GRIA4: variants seen among roughly 807,000 people sequenced by gnomAD.
The protein encoded by GRIA4 is glutamate receptor 4.
A neutral mutation model predicts 104.0 loss-of-function variants in GRIA4; 34 were observed. The ratio of observed to expected loss-of-function variants is 0.33; its 90% CI spans 0.25 to 0.44. The LOEUF (loss-of-function observed/expected upper bound fraction) is 0.44. Among genes scored for constraint, GRIA4 ranks in the 20% least tolerant of loss-of-function variants. The pLI, the probability that GRIA4 is intolerant of heterozygous loss-of-function variation, is 1.00. For missense variants in GRIA4, 750 were observed against 1,096.5 expected, an observed-to-expected ratio of 0.68 and a Z score of 4.46; for synonymous variants, 386 against 381.9, an observed-to-expected ratio of 1.01 and a Z score of -0.13.
intron 3 of GRIA4, among the ~76,000 whole-genome samples, chr11:105,722,835 C>T (rs1485329843): frequency 1.3e-5 from 2 of 152,044 alleles, no homozygotes; most frequent in African/African-American, 4.8e-5. Context: ...AAGATTTAAT[C>T]TCTTCCACCA....
In GRIA4 at chr11:105,628,414, G is replaced by A. The variant is rs139132541; in HGVS notation, c.247+15980G>A. 4.1e-3 allele frequency among the ~76,000 whole-genome samples: 627 copies of A among 152,118 alleles called. 3 individuals are homozygous for A. The highest frequency in any genetic ancestry group is 6.8e-3 in the Middle Eastern group (2 of 294). On this transcript the variant is annotated intron_variant, in intron 3 of 16. Coordinates refer to ENST00000282499, the MANE Select transcript of GRIA4 (RefSeq NM_000829.4). ...CCCCACCCACATCTCATCTTGAATT[G>A]TATTTCCTATAATCCCCATGTGTCG...
intron 4 of GRIA4, among the ~76,000 whole-genome samples, chr11:105,758,825 A>C (rs1284347588): frequency 2.0e-5 from 3 of 152,150 alleles, no homozygotes; most frequent in Non-Finnish European, 4.4e-5. Context: ...ACAACGTATA[A>C]ATTCCTTAGA....
At chr11:105,810,009 A>G (rs959010880) in intron 4 of GRIA4, among the ~76,000 whole-genome samples, 8 of 152,100 alleles carry the variant, frequency 5.3e-5, no homozygotes, top group African/African-American at 1.9e-4. Flanking sequence ...CACAGATTTA[A>G]GGATAAGGTT....
intron 4 of GRIA4, among the ~76,000 whole-genome samples, chr11:105,824,127 T>A (rs1591309765): frequency 1.3e-5 from 2 of 152,110 alleles, no homozygotes; most frequent in African/African-American, 4.8e-5. Flanking sequence ...AAATCTCTGC[T>A]GTTTAAGTCA....
chr11:105,786,144 C>CAAAAAAAAAAAAAAAAAA (rs34888562), intron 4 of GRIA4, among the ~76,000 whole-genome samples: 1 of 89,300 alleles, frequency 1.1e-5, no homozygotes. Flanking sequence ...GACCCTTTCT[C>CAAAAAAAAAAAAAAAAAA]AAAAAAAAAA....
At chr11:105,662,795 T>C (rs1952052231) in intron 3 of GRIA4, among the ~76,000 whole-genome samples, 1 of 151,698 alleles carries the variant, frequency 6.6e-6, no homozygotes, top group Non-Finnish European at 1.5e-5. Context: ...AAGCCAGTGG[T>C]TAAAAAGCAG....
chr11:105,671,533 C>T (rs1338163849), intron 3 of GRIA4, among the ~76,000 whole-genome samples: 3 of 151,366 alleles, frequency 2.0e-5, no homozygotes, highest in Non-Finnish European at 2.9e-5. Context: ...AAAAAATTAG[C>T]TGGGTGTGGT....
intron 3 of GRIA4, among the ~76,000 whole-genome samples, chr11:105,679,774 T>G (rs1952652517): frequency 6.6e-6 from 1 of 152,146 alleles, no homozygotes; most frequent in Non-Finnish European, 1.5e-5. Flanking sequence ...GTAGTTCGTA[T>G]TTATAACAAC....
At chr11:105,874,511 T>A (rs536624324) in intron 5 of GRIA4, among the ~76,000 whole-genome samples, 116 of 152,272 alleles carry the variant, frequency 7.6e-4, no homozygotes, top group African/African-American at 2.7e-3. Flanking sequence ...CATTGGGCGG[T>A]ATGGCCATTT....
chr11:105,718,000 C>T (rs1020018584), intron 3 of GRIA4, among the ~76,000 whole-genome samples: 5 of 151,750 alleles, frequency 3.3e-5, no homozygotes, highest in Admixed American at 2.0e-4. Context: ...AACCAAACAC[C>T]GCATATTCTC....
intron 9 of GRIA4, among the ~76,000 whole-genome samples, chr11:105,906,932 G>C (rs925914412): frequency 1.3e-5 from 2 of 152,214 alleles, no homozygotes; most frequent in African/African-American, 4.8e-5. Flanking sequence ...AATGCTAACA[G>C]ATGGACAAAG....
At chr11:105,688,146 ATATCTATATCTCTATC>A (rs1162457671) in intron 3 of GRIA4, among the ~76,000 whole-genome samples, 728 of 32,572 alleles carry the variant, frequency 0.022, 11 homozygotes, top group Middle Eastern at 0.14. Context: ...ATCTATATCT[ATATCTATATCTCTATC>A]TATCTATCTA....
intron 5 of GRIA4, among the ~76,000 whole-genome samples, chr11:105,863,160 T>C (rs536637872): frequency 1.3e-5 from 2 of 152,306 alleles, no homozygotes; most frequent in East Asian, 3.9e-4. Context: ...AGTATTCAAT[T>C]GTAAGAATGA....
chr11:105,782,661 C>A (rs1357933038), intron 4 of GRIA4, among the ~76,000 whole-genome samples: 1 of 152,174 alleles, frequency 6.6e-6, no homozygotes, highest in Non-Finnish European at 1.5e-5. Flanking sequence ...CTGAAGACTG[C>A]ATTGAACAGA....
At chr11:105,712,596 C>T (rs527758651) in intron 3 of GRIA4, among the ~76,000 whole-genome samples, 4 of 152,136 alleles carry the variant, frequency 2.6e-5, no homozygotes, top group East Asian at 3.9e-4. Flanking sequence ...TCAGCCTATC[C>T]TATTTTTTGT....
Position 105,884,474 on chromosome 11 carries a change from G to T in GRIA4, c.673-3045G>T, listed in dbSNP as rs539217489. 1.2e-4 allele frequency among the ~76,000 whole-genome samples: 19 copies of T among 152,294 alleles called. 2 individuals carry two copies. The South Asian group carries it at 3.9e-3, about 32-fold the overall frequency. On this transcript the variant is annotated intron_variant, in intron 5 of 16. Transcript: ENST00000282499. ...CCTATTTACAGGACACCACTCAATG[G>T]ATTGTAAATCGAATTTTTTCACAAA...
intron 4 of GRIA4, among the ~76,000 whole-genome samples, chr11:105,835,837 T>C (rs941674245): frequency 1.3e-5 from 2 of 151,952 alleles, no homozygotes; most frequent in African/African-American, 4.8e-5. Context: ...CTAGCAGATA[T>C]ATACTAGTCA....
rs112795314 is a variant in GRIA4, at chr11:105,701,817, A to G, written c.248-51164A>G. ...TAGACCTAATACTATGAAATTTTAAACTGACTTCATTTAAAGTTAGGTGTG... is the reference window on the plus strand; with the variant it reads ...TAGACCTAATACTATGAAATTTTAAGCTGACTTCATTTAAAGTTAGGTGTG... On this transcript the variant is annotated intron_variant, in intron 3 of 16. Coordinates refer to ENST00000282499, the MANE Select transcript of GRIA4 (RefSeq NM_000829.4). Among the ~76,000 whole-genome samples the G allele has an allele frequency of 1.2e-3, 188 of 152,302 alleles. 2 individuals are homozygous for G. Among genetic ancestry groups the G allele is most frequent in the African/African-American group, 4.4e-3 (182 of 41,584 alleles).
At chr11:105,864,914 G>A (rs1787809182) in intron 5 of GRIA4, among the ~76,000 whole-genome samples, 1 of 152,058 alleles carries the variant, frequency 6.6e-6, no homozygotes. Context: ...TCATATTATG[G>A]TAGCATGCCA....
Sources: allele counts gnomAD v4.1 joint callset (sites outside exome capture counted in the v4.1 genomes callset), GRCh38; gene constraint gnomAD v4.1.1; transcripts MANE v1.5; gene names NCBI Gene and HGNC (gene_info 2026-07-23, HGNC 2026-07-21).